Variants in DNAJB13 observed in about 807,000 individuals in gnomAD.
DNAJB13 encodes DnaJ heat shock protein family (Hsp40) member B13, also known as dnaJ homolog subfamily B member 13.
DNAJB13 carries 22 observed loss-of-function variants against 35.6 expected under a neutral mutation model. That is an observed-to-expected ratio of 0.62 (90% CI 0.44 to 0.88). The LOEUF (loss-of-function observed/expected upper bound fraction) is 0.88. Ranked by LOEUF, DNAJB13 falls within the 40% of genes least tolerant of loss-of-function variation. DNAJB13 has a pLI of 0.00. For synonymous variants in DNAJB13, 136 were observed against 144.2 expected (o/e 0.94, Z 0.41); for missense variants, 370 against 384.3 (o/e 0.96, Z 0.31).
At chr11:73,963,455 T>C (rs1175697468) in intron 3 of DNAJB13, among the ~76,000 whole-genome samples, 1 of 151,844 alleles carries the variant, frequency 6.6e-6, no homozygotes, top group East Asian at 1.9e-4. Flanking sequence ...GCCAAGTGAG[T>C]CTACAGGGCA....
At position 73,959,675 on chromosome 11, in the gene DNAJB13, C is replaced by G. The variant is rs1019878020; in HGVS notation, c.334+20C>G. On this transcript the variant is annotated intron_variant, in intron 3 of 7. Coordinates refer to ENST00000339764, the MANE Select transcript of DNAJB13 (RefSeq NM_153614.4). ...TCAGTGGTAAGAGGTCTTCCTCCCC[C>G]ACCTTGCCTTATAGAGAAAGGACAC... 7 of 1,608,584 alleles carry G rather than the reference C, an allele frequency of 4.4e-6. No homozygotes were observed. The highest frequency in any genetic ancestry group is 1.3e-5 in the African/African-American group (1 of 74,894).
intron 6 of DNAJB13, 26 bp downstream of exon 6, chr11:73,968,484 C>A (rs752340831): frequency 1.9e-6 from 3 of 1,595,492 alleles, no homozygotes; most frequent in Non-Finnish European, 2.6e-6. Context: ...GCAGGAGCAG[C>A]GGGGAGGAGA....
intron 5 of DNAJB13, chr11:73,968,017 AAGACAG>A: frequency 2.1e-6 from 1 of 465,658 alleles, no homozygotes; most frequent in East Asian, 3.3e-5. Context: ...AGTTACTAGC[AAGACAG>A]AGACATACGG....
chr11:73,956,780 G>A (rs1186705263), intron 1 of DNAJB13, among the ~76,000 whole-genome samples: 2 of 140,496 alleles, frequency 1.4e-5, no homozygotes, highest in Non-Finnish European at 3.0e-5. Context: ...TCCAGCTTGG[G>A]CAACAAGAGA....
chr11:73,955,095 C>CA (rs957651753), intron 1 of DNAJB13, among the ~76,000 whole-genome samples: 75 of 140,342 alleles, frequency 5.3e-4, no homozygotes, highest in South Asian at 2.0e-3. Context: ...AGATATTGAT[C>CA]AAAAAAAAAA....
chr11:73,963,996 C>T (rs1261154375), intron 3 of DNAJB13: 1 of 152,212 alleles, frequency 6.6e-6, no homozygotes, highest in Non-Finnish European at 1.5e-5. Context: ...TTTGTTTGGG[C>T]TCCCTGGACC....
Position 73,968,120 on chromosome 11 carries a change from G to C in DNAJB13, c.607-225G>C. On this transcript the variant is annotated intron_variant, in intron 5 of 7. Transcript: ENST00000339764. The stretch of plus-strand genomic sequence containing the variant: ...CCCTCCAGCTGAGTGTGTCTATTTT[G>C]GGCATGCTCAGTACAGAAGTAATTC... The C allele has an allele frequency of 7.6e-6, 4 of 524,896 alleles. No homozygotes were observed. The South Asian group carries it at 1.3e-4, about 16-fold the overall frequency. The allele number at this position is 524,896 out of a possible 1,614,324, so 32.5% of individuals were successfully genotyped here.
At chr11:73,961,989 C>G (rs1214293451) in intron 3 of DNAJB13, among the ~76,000 whole-genome samples, 4 of 152,108 alleles carry the variant, frequency 2.6e-5, no homozygotes, top group African/African-American at 9.7e-5. Context: ...GGGGTTTCCA[C>G]TCAAGACTGG....
chr11:73,953,308 G>T (rs757653599), intron 1 of DNAJB13, among the ~76,000 whole-genome samples: 3 of 152,100 alleles, frequency 2.0e-5, no homozygotes, highest in Non-Finnish European at 2.9e-5. Flanking sequence ...GGCGGATCAC[G>T]AGGTCAGGAG....
Position 73,951,122 on chromosome 11 carries a change from C to T in DNAJB13, c.53C>T (p.Ala18Val), listed in dbSNP as rs865970610. ...VLGITRNSED[A>V]QIKQAYRRLA... Reference sequence around the variant, plus strand: ...GGGATCACTCGCAATTCAGAGGATGCCCAGATCAAGCAGGCGTAAGTTGGG... The same window carrying T: ...GGGATCACTCGCAATTCAGAGGATGTCCAGATCAAGCAGGCGTAAGTTGGG... The change falls in exon 1 of 8, where the codon GCC becomes GTC. Residue 18 changes from alanine (A) to valine (V), a missense_variant. Transcript: ENST00000339764. 6.2e-7 allele frequency: 1 copy of T among 1,614,040 alleles called. No individual in the cohort carries two copies. Among genetic ancestry groups the T allele is most frequent in the Non-Finnish European group, 8.5e-7 (1 of 1,179,996 alleles).
At chr11:73,962,804 G>A (rs1027183929) in intron 3 of DNAJB13, among the ~76,000 whole-genome samples, 4 of 152,088 alleles carry the variant, frequency 2.6e-5, no homozygotes, top group African/African-American at 4.8e-5. Context: ...CCACCCTCAC[G>A]TGTCTGCCAG....
At chr11:73,952,673 AAAGGTAATC>A (rs1274563141) in intron 1 of DNAJB13, among the ~76,000 whole-genome samples, 2 of 152,176 alleles carry the variant, frequency 1.3e-5, no homozygotes, top group Non-Finnish European at 2.9e-5. Context: ...CCATCCAGGG[AAAGGTAATC>A]AGGAGGAAGG....
At position 73,970,255 on chromosome 11, in the gene DNAJB13, T is replaced by G. The variant is rs1342609557; in HGVS notation, c.*141T>G. On this transcript the variant is annotated 3_prime_UTR_variant, in exon 8 of 8. Coordinates refer to ENST00000339764, the MANE Select transcript of DNAJB13 (RefSeq NM_153614.4). ...GGATGGCGCAGGGCTTAAACTGACATAATAAAGATCTATTTCCTGTCCTCC... is the reference window on the plus strand; with the variant it reads ...GGATGGCGCAGGGCTTAAACTGACAGAATAAAGATCTATTTCCTGTCCTCC... The G allele has an allele frequency of 9.3e-7, 1 of 1,078,412 alleles. No individual in the cohort carries two copies. The highest frequency in any genetic ancestry group is 2.8e-5 in the East Asian group (1 of 36,222). 66.8% of individuals were successfully genotyped at this position (1,078,412 alleles called of 1,614,324 possible).
At chr11:73,953,387 T>C (rs1331300879) in intron 1 of DNAJB13, among the ~76,000 whole-genome samples, 1 of 152,170 alleles carries the variant, frequency 6.6e-6, no homozygotes, top group Non-Finnish European at 1.5e-5. Flanking sequence ...GGAAGAGCTT[T>C]ATTCAGCTGG....
Position 73,959,550 on chromosome 11 carries a change from C to T in DNAJB13, c.229C>T (p.Pro77Ser), listed in dbSNP as rs750950916. ...AGAAGAGGGCCTGAAGGGTGGGATT[C>T]CTTTGGAGTTTGGATCCCAGACCCC... ...FGEEGLKGGI[P>S]LEFGSQTPWT... Residue 77 changes from proline to serine, a missense_variant, in exon 3 of 8, where the codon CCT becomes TCT. Transcript: ENST00000339764. The T allele has an allele frequency of 5.0e-6, 8 of 1,614,104 alleles. No individual in the cohort carries two copies. The highest frequency in any genetic ancestry group is 6.8e-6 in the Non-Finnish European group (8 of 1,180,008).
intron 5 of DNAJB13, chr11:73,968,047 G>A (rs1013317077): frequency 3.3e-5 from 16 of 492,006 alleles, no homozygotes; most frequent in African/African-American, 5.8e-5. Flanking sequence ...GTTGCCTGAC[G>A]CCCAGCTTAG....
In DNAJB13 at chr11:73,970,199, G is replaced by A; in HGVS notation, c.*85G>A. On this transcript the variant is annotated 3_prime_UTR_variant, in exon 8 of 8. Transcript: ENST00000339764. ...CGCCACAGCCTCAGGGTGTGCAGGGGAGCCTGCTGCACAGATATGATACAA... is the reference window on the plus strand; with the variant it reads ...CGCCACAGCCTCAGGGTGTGCAGGGAAGCCTGCTGCACAGATATGATACAA... 6.7e-7 allele frequency: 1 copy of A among 1,491,560 alleles called. No homozygotes were observed. The highest frequency in any genetic ancestry group is 9.0e-7 in the Non-Finnish European group (1 of 1,115,114). 92.4% of individuals were successfully genotyped at this position (1,491,560 alleles called of 1,614,324 possible).
Position 73,968,403 on chromosome 11 carries a change from G to A in DNAJB13, c.665G>A (p.Arg222His), listed in dbSNP as rs746886994. 9.9e-6 allele frequency: 16 copies of A among 1,613,978 alleles called. No individual in the cohort carries two copies. Among genetic ancestry groups the A allele is most frequent in the African/African-American group, 5.3e-5 (4 of 74,892 alleles). ...IFIVKEKLHP[R>H]FRRENDNLFF... ...ATCGTAAAGGAGAAGCTACACCCTC[G>A]CTTCCGCAGGGAGAATGACAACCTC... Residue 222 changes from arginine (R) to histidine (H), a missense_variant, in exon 6 of 8, where the codon CGC becomes CAC. Transcript: ENST00000339764.
rs199547235 is a variant in DNAJB13, at chr11:73,958,470, A to T, written c.172+50A>T. The T allele has an allele frequency of 8.9e-5, 127 of 1,426,484 alleles. 2 individuals are homozygous for T. In the East Asian group the frequency reaches 2.7e-3, roughly 31 times the overall value. The allele number at this position is 1,426,484 out of a possible 1,614,324, so 88.4% of individuals were successfully genotyped here. On this transcript the variant is annotated intron_variant, in intron 2 of 7. Transcript: ENST00000339764. Reference sequence around the variant, plus strand: ...CCCGCTTGATTAGGATCATTCCTTAAGTCTCTAGACTGTTGGGTTTTCTGA... The same window carrying T: ...CCCGCTTGATTAGGATCATTCCTTATGTCTCTAGACTGTTGGGTTTTCTGA...
Sources: gnomAD v4.1 joint callset for allele counts (sites outside exome capture counted in the v4.1 genomes callset) on GRCh38, gnomAD v4.1.1 for gene constraint, MANE v1.5 for transcripts, NCBI Gene and HGNC (gene_info 2026-07-23, HGNC 2026-07-21) for gene names.